HEMK2: variants seen among roughly 807,000 people sequenced by gnomAD.
HEMK2 encodes the protein methyltransferase HEMK2.
chr21:28,823,311 G>C, the HEMK2 span, among the ~76,000 whole-genome samples: 1 of 151,976 alleles, frequency 6.6e-6, no homozygotes, highest in African/African-American at 2.4e-5. Context: ...AGTGCTCTGG[G>C]GATTTTCATC....
At chr21:28,590,260 A>G in the HEMK2 span, among the ~76,000 whole-genome samples, 1 of 152,218 alleles carries the variant, frequency 6.6e-6, no homozygotes, top group Non-Finnish European at 1.5e-5. Context: ...GTAGCACACA[A>G]AGTCAAGCTG....
At chr21:28,735,728 G>T in the HEMK2 span, among the ~76,000 whole-genome samples, 1 of 152,180 alleles carries the variant, frequency 6.6e-6, no homozygotes, top group Non-Finnish European at 1.5e-5. Flanking sequence ...CAGATTTAAA[G>T]AACTCATGTG....
the HEMK2 span, among the ~76,000 whole-genome samples, chr21:28,577,671 C>T: frequency 6.6e-6 from 1 of 152,126 alleles, no homozygotes; most frequent in Admixed American, 6.5e-5. Context: ...TTCAGCTAAG[C>T]AATAAATAAT....
At chr21:28,769,827 T>G in the HEMK2 span, among the ~76,000 whole-genome samples, 5 of 152,176 alleles carry the variant, frequency 3.3e-5, no homozygotes, top group African/African-American at 1.2e-4. Context: ...TTTCTAACTC[T>G]AAAGCTTTCT....
chr21:28,592,181 T>C, the HEMK2 span, among the ~76,000 whole-genome samples: 1 of 152,236 alleles, frequency 6.6e-6, no homozygotes, highest in Non-Finnish European at 1.5e-5. Flanking sequence ...TGTATAAATG[T>C]TCCTTTTTCT....
At chr21:28,626,703 T>C in the HEMK2 span, 1 of 152,074 alleles carries the variant, frequency 6.6e-6, no homozygotes, top group South Asian at 2.1e-4. Flanking sequence ...ATGAAATAAG[T>C]TAAAAATTTT....
the HEMK2 span, among the ~76,000 whole-genome samples, chr21:28,831,297 T>G: frequency 1.3e-5 from 2 of 150,930 alleles, no homozygotes; most frequent in African/African-American, 2.4e-5. Context: ...AATACAAAAA[T>G]TAGCTGGGCG....
the HEMK2 span, chr21:28,880,071 G>T: frequency 1.8e-6 from 1 of 564,132 alleles, no homozygotes; most frequent in Non-Finnish European, 3.0e-6. Context: ...TACGGGCTAC[G>T]CTTGTAGACA....
At chr21:28,707,475 C>T in the HEMK2 span, among the ~76,000 whole-genome samples, 3 of 151,802 alleles carry the variant, frequency 2.0e-5, no homozygotes, top group African/African-American at 4.8e-5. Context: ...AGGCTGGTCT[C>T]GAACTCCTTG....
chr21:28,717,071 G>A, the HEMK2 span, among the ~76,000 whole-genome samples: 2,538 of 152,216 alleles, frequency 0.017, 73 homozygotes, highest in African/African-American at 0.056. Context: ...ATATCGGCCT[G>A]TAGTTTTCTT....
chr21:28,857,147 G>A, the HEMK2 span, among the ~76,000 whole-genome samples: 1 of 152,132 alleles, frequency 6.6e-6, no homozygotes, highest in African/African-American at 2.4e-5. Context: ...TTTGATTGAA[G>A]AGTTACCCAG....
At chr21:28,660,838 G>A in the HEMK2 span, among the ~76,000 whole-genome samples, 1 of 151,920 alleles carries the variant, frequency 6.6e-6, no homozygotes, top group Non-Finnish European at 1.5e-5. Flanking sequence ...TTAAAAAATG[G>A]GACAGAACTC....
At chr21:28,883,788 C>T in the HEMK2 span, among the ~76,000 whole-genome samples, 2 of 152,134 alleles carry the variant, frequency 1.3e-5, no homozygotes. Context: ...GGTGCCATCA[C>T]AGCTCACTGC....
chr21:28,727,311 C>T, the HEMK2 span, among the ~76,000 whole-genome samples: 1 of 152,112 alleles, frequency 6.6e-6, no homozygotes, highest in Non-Finnish European at 1.5e-5. Context: ...ATTGTATGGT[C>T]CCAAAGTCTT....
chr21:28,851,767 G>A, the HEMK2 span, among the ~76,000 whole-genome samples: 36 of 152,112 alleles, frequency 2.4e-4, no homozygotes, highest in African/African-American at 8.5e-4. Context: ...AGTGATCAAG[G>A]TCTCTCCAAA....
the HEMK2 span, among the ~76,000 whole-genome samples, chr21:28,678,875 A>G: frequency 1.3e-5 from 2 of 152,336 alleles, no homozygotes; most frequent in Non-Finnish European, 2.9e-5. Context: ...GGCCTGCCCT[A>G]AAAGAGTTCC....
the HEMK2 span, among the ~76,000 whole-genome samples, chr21:28,736,532 G>A: frequency 6.6e-6 from 1 of 152,194 alleles, no homozygotes; most frequent in Admixed American, 6.5e-5. Context: ...GAGGTAGGCA[G>A]ATCAACCTGA....
chr21:28,727,520 GCACC>G, the HEMK2 span, among the ~76,000 whole-genome samples: 11 of 152,308 alleles, frequency 7.2e-5, no homozygotes, highest in Non-Finnish European at 1.5e-4. Context: ...TTTCAAAGTT[GCACC>G]CTGCGTGCTC....
chr21:28,744,666 G>C, the HEMK2 span, among the ~76,000 whole-genome samples: 1 of 152,144 alleles, frequency 6.6e-6, no homozygotes, highest in Non-Finnish European at 1.5e-5. Context: ...CATGTGTGAG[G>C]CTTGAGCTGG....
Sources: allele counts gnomAD v4.1 joint callset (sites outside exome capture counted in the v4.1 genomes callset), GRCh38; gene constraint gnomAD v4.1.1; transcripts MANE v1.5; gene names NCBI Gene and HGNC (gene_info 2026-07-23, HGNC 2026-07-21).